Variants in PIK3R5 observed in about 807,000 individuals in gnomAD.
PIK3R5 encodes the protein phosphoinositide-3-kinase regulatory subunit 5, also known as phosphoinositide 3-kinase regulatory subunit 5.
A neutral mutation model predicts 94.9 loss-of-function variants in PIK3R5; 32 were observed. The ratio of observed to expected loss-of-function variants is 0.34; its 90% CI spans 0.25 to 0.45. The LOEUF is 0.45. Ranked by LOEUF, PIK3R5 falls within the 20% of genes least tolerant of loss-of-function variation. The pLI is 1.00. For missense variants in PIK3R5, 853 were observed against 1,144.6 expected (o/e 0.75, Z 3.68); for synonymous variants, 443 against 479.4 (o/e 0.92, Z 0.99).
At chr17:8,895,715 C>T (rs773752039) in intron 5 of PIK3R5, among the ~76,000 whole-genome samples, 21 of 152,160 alleles carry the variant, frequency 1.4e-4, no homozygotes, top group South Asian at 2.1e-4. Flanking sequence ...GAATCAGAAG[C>T]TGCTTCGTAT....
At chr17:8,915,599 G>A (rs181540) in intron 1 of PIK3R5, 64,390 of 151,876 alleles carry the variant, frequency 0.42, 14,717 homozygotes, top group East Asian at 0.62. Context: ...GATGACCGTG[G>A]TGGCTCACGG....
chr17:8,888,924 G>C lies in PIK3R5; in HGVS notation c.896-33C>G, dbSNP rs199985425. The C allele has an allele frequency of 4.5e-6, 7 of 1,568,544 alleles. No homozygotes were observed. The highest frequency in any genetic ancestry group is 1.3e-5 in the African/African-American group (1 of 74,208). On this transcript the variant is annotated intron_variant, in intron 9 of 18. Transcript: ENST00000447110. This position sits in a 1 kb window ranked among gnomAD's most constrained non-coding sequence, Gnocchi z 7.8. ...GAAGCAAGGCCAGCACTGTCTGGGC[G>C]TCTGGGCCCCGGATCCCCTTCTATA...
At chr17:8,886,983 G>T in intron 12 of PIK3R5, 113 bp downstream of exon 12, 3 of 1,239,312 alleles carry the variant, frequency 2.4e-6, no homozygotes, top group Non-Finnish European at 3.4e-6. Flanking sequence ...TTCCAAGAGG[G>T]CCCAGGTCCT....
chr17:8,954,802 T>C (rs992578914), intron 1 of PIK3R5, among the ~76,000 whole-genome samples: 4 of 151,852 alleles, frequency 2.6e-5, no homozygotes, highest in Non-Finnish European at 1.5e-5. Context: ...CCTGGTGTAG[T>C]GGCGGGCACC....
intron 1 of PIK3R5, among the ~76,000 whole-genome samples, chr17:8,927,569 C>G (rs1363434730): frequency 6.6e-6 from 1 of 152,198 alleles, no homozygotes; most frequent in African/African-American, 2.4e-5. Context: ...AGCAGGGAGT[C>G]AAGACTTTTA....
chr17:8,904,622 G>A lies in PIK3R5; in HGVS notation c.412+155C>T, dbSNP rs1362383023. On this transcript the variant is annotated intron_variant, in intron 5 of 18. Coordinates refer to ENST00000447110, the MANE Select transcript of PIK3R5 (RefSeq NM_001142633.3). The surrounding 1 kb of genome is among the most constrained non-coding windows in gnomAD (Gnocchi z 5.1). ...CAACCATCAGATGCTTGATGGTGCT[G>A]TGAAGAGGAGACTCCATGTTTGTGA... Among the ~76,000 whole-genome samples the A allele has an allele frequency of 6.6e-6, 1 of 152,220 alleles. No individual in the cohort carries two copies. The highest frequency in any genetic ancestry group is 1.9e-4 in the East Asian group (1 of 5,202).
chr17:8,900,366 G>A (rs1011437381), intron 5 of PIK3R5, among the ~76,000 whole-genome samples: 11 of 152,134 alleles, frequency 7.2e-5, no homozygotes, highest in South Asian at 2.1e-4. Context: ...ATTAATGAGC[G>A]GGCACAGGCT....
At chr17:8,885,830 C>T (rs186747416) in intron 14 of PIK3R5, among the ~76,000 whole-genome samples, 10 of 107,682 alleles carry the variant, frequency 9.3e-5, no homozygotes, top group Non-Finnish European at 1.3e-4. Flanking sequence ...TGGGTAACCC[C>T]GCCTCCCCAG....
In PIK3R5 at chr17:8,888,147, G is replaced by A; in HGVS notation, c.1616+24C>T. The A allele has an allele frequency of 1.2e-6, 2 of 1,611,224 alleles. No individual in the cohort carries two copies. Among genetic ancestry groups the A allele is most frequent in the Non-Finnish European group, 1.7e-6 (2 of 1,178,318 alleles). On this transcript the variant is annotated intron_variant, in intron 10 of 18. Coordinates refer to ENST00000447110, the MANE Select transcript of PIK3R5 (RefSeq NM_001142633.3). The surrounding 1 kb of genome is among the most constrained non-coding windows in gnomAD (Gnocchi z 7.8). Reference sequence around the variant, plus strand: ...ACAACCCTGTTACCCAGGGCAGAGGGATGCTCCGCATTACGGCTCTTACCG... The same window carrying A: ...ACAACCCTGTTACCCAGGGCAGAGGAATGCTCCGCATTACGGCTCTTACCG...
chr17:8,952,674 A>G (rs776503009), intron 1 of PIK3R5, among the ~76,000 whole-genome samples: 1 of 152,254 alleles, frequency 6.6e-6, no homozygotes, highest in Non-Finnish European at 1.5e-5. Context: ...TCAATAAAGT[A>G]CCATGAGAAT....
At chr17:8,936,598 C>T (rs2091080391) in intron 1 of PIK3R5, among the ~76,000 whole-genome samples, 1 of 152,092 alleles carries the variant, frequency 6.6e-6, no homozygotes, top group Non-Finnish European at 1.5e-5. Context: ...CTTGATAGCT[C>T]TTTTCTTTTT....
At chr17:8,961,249 G>A (rs1331610620) in intron 1 of PIK3R5, among the ~76,000 whole-genome samples, 2 of 152,202 alleles carry the variant, frequency 1.3e-5, no homozygotes, top group Non-Finnish European at 2.9e-5. Context: ...CAGGCTACAG[G>A]AGAGGAAGAA....
At chr17:8,959,521 C>A (rs1369727111) in intron 1 of PIK3R5, among the ~76,000 whole-genome samples, 2 of 152,076 alleles carry the variant, frequency 1.3e-5, no homozygotes, top group East Asian at 1.9e-4. Flanking sequence ...TTCAAAGGGG[C>A]CAACTATCTA....
At chr17:8,914,659 G>A (rs1292783690) in intron 1 of PIK3R5, among the ~76,000 whole-genome samples, 4 of 152,198 alleles carry the variant, frequency 2.6e-5, no homozygotes, top group Non-Finnish European at 4.4e-5. Flanking sequence ...TTTGTTCCTC[G>A]GGTCACTATC....
At chr17:8,886,728 G>A (rs2151361697) in intron 12 of PIK3R5, 123 bp from the exon 13 acceptor site, 2 of 1,166,368 alleles carry the variant, frequency 1.7e-6, no homozygotes, top group East Asian at 2.4e-5. Context: ...GGGAGCTGGT[G>A]AGGTGGAAGC....
Position 8,888,934 on chromosome 17 carries a change from C to T in PIK3R5, c.896-43G>A, listed in dbSNP as rs910376215. On this transcript the variant is annotated intron_variant, in intron 9 of 18. Transcript: ENST00000447110. The surrounding 1 kb of genome is among the most constrained non-coding windows in gnomAD (Gnocchi z 7.8). ...CAGCACTGTCTGGGCGTCTGGGCCC[C>T]GGATCCCCTTCTATATTCCCTTTGG... is the stretch of plus-strand genomic sequence containing the variant. 19 of 1,560,036 alleles carry T rather than the reference C, an allele frequency of 1.2e-5. No homozygotes were observed. Among genetic ancestry groups the T allele is most frequent in the East Asian group, 2.2e-5 (1 of 44,494 alleles).
chr17:8,899,204 C>T (rs436295), intron 5 of PIK3R5, among the ~76,000 whole-genome samples: 16,745 of 152,228 alleles, frequency 0.11, 1,042 homozygotes, highest in South Asian at 0.22. Flanking sequence ...GGCGATCATA[C>T]GGGGGTGGAG....
chr17:8,884,575 GAGCCTGCTGC>G lies in PIK3R5; in HGVS notation c.2205+122_2205+131del. 1.5e-6 allele frequency: 1 copy of G among 679,876 alleles called. No individual in the cohort carries two copies. The allele number at this position is 679,876 out of a possible 1,614,324, so 42.1% of individuals were successfully genotyped here. On this transcript the variant is annotated intron_variant, in intron 15 of 18. Coordinates refer to ENST00000447110, the MANE Select transcript of PIK3R5 (RefSeq NM_001142633.3). This position sits in a 1 kb window ranked among gnomAD's most constrained non-coding sequence, Gnocchi z 5.8. ...TCTCTGCTTCTCTCAGCATCCAGGG[GAGCCTGCTGC>G]AGCCTTCCAGCGTAAAGACTGGGGC...
At position 8,880,724 on chromosome 17, in the gene PIK3R5, G is replaced by T. The variant is rs1409657735; in HGVS notation, c.2558C>A (p.Pro853His). ...TGCGGCCTGGGCCGGCAGGTCAGGA[G>T]GCGTCTGGGGTGGTGAGGAGAGGTC... ...KSDLSSPPQT[P>H]PDLPAQAAPD... The change falls in exon 19 of 19, where the codon CCT becomes CAT. Residue 853 changes from proline to histidine, a missense_variant. By Grantham distance (77) the Pro-to-His change is moderately conservative. Coordinates refer to ENST00000447110, the MANE Select transcript of PIK3R5 (RefSeq NM_001142633.3). 3 of 1,613,862 alleles carry T rather than the reference G, an allele frequency of 1.9e-6. No individual in the cohort carries two copies. Among genetic ancestry groups the T allele is most frequent in the African/African-American group, 2.7e-5 (2 of 74,928 alleles).
Sources: gnomAD v4.1 joint callset for allele counts (sites outside exome capture counted in the v4.1 genomes callset) on GRCh38, gnomAD v4.1.1 for gene constraint, Gnocchi (gnomAD v3.1) non-coding constraint, MANE v1.5 for transcripts, NCBI Gene and HGNC (gene_info 2026-07-23, HGNC 2026-07-21) for gene names.